The following SDK1 variants were observed in gnomAD, a reference collection of about 807,000 sequenced individuals.
The protein encoded by SDK1 is sidekick cell adhesion molecule 1, also known as protein sidekick-1.
SDK1 carries 157 observed loss-of-function variants against 245.5 expected under a neutral mutation model. That is an observed-to-expected ratio of 0.64 (90% CI 0.56 to 0.73). The LOEUF (loss-of-function observed/expected upper bound fraction) is 0.73, where lower values mean the gene tolerates loss of function less well. Ranked by LOEUF, SDK1 falls within the 30% of genes least tolerant of loss-of-function variation. The pLI, the probability that SDK1 is intolerant of heterozygous loss-of-function variation, is 0.00. For missense variants in SDK1, 3,583 were observed against 3,002.3 expected (o/e 1.19, Z -4.52); for synonymous variants, 1,647 against 1,278.5 (o/e 1.29, Z -6.15).
intron 22 of SDK1, among the ~76,000 whole-genome samples, chr7:4,101,313 AT>A (rs1374563843): frequency 6.6e-6 from 1 of 151,888 alleles, no homozygotes; most frequent in Non-Finnish European, 1.5e-5. Flanking sequence ...CGCCCGGCTA[AT>A]TTTTTGTGTT....
chr7:4,036,026 G>C (rs976859646), intron 17 of SDK1, among the ~76,000 whole-genome samples: 1 of 152,138 alleles, frequency 6.6e-6, no homozygotes, highest in Non-Finnish European at 1.5e-5. Flanking sequence ...TAAGAAACTT[G>C]AGCTTCATCG....
intron 1 of SDK1, among the ~76,000 whole-genome samples, chr7:3,435,657 A>C (rs2128586314): frequency 6.6e-6 from 1 of 151,858 alleles, no homozygotes; most frequent in East Asian, 1.9e-4. Context: ...GAGCCACTGC[A>C]CTCTGTGGGG....
chr7:3,393,065 G>A (rs575061736), intron 1 of SDK1, among the ~76,000 whole-genome samples: 1 of 141,776 alleles, frequency 7.1e-6, no homozygotes, highest in Non-Finnish European at 1.5e-5. Flanking sequence ...CCGCCTCCTA[G>A]GTTCAAGCGA....
intron 19 of SDK1, among the ~76,000 whole-genome samples, chr7:4,055,992 A>G (rs1346335244): frequency 6.6e-6 from 1 of 152,180 alleles, no homozygotes; most frequent in South Asian, 2.1e-4. Flanking sequence ...CAGAGAACAC[A>G]CTTCATATAA....
chr7:4,002,132 C>G (rs1025232350), intron 14 of SDK1, among the ~76,000 whole-genome samples: 1 of 152,224 alleles, frequency 6.6e-6, no homozygotes, highest in Non-Finnish European at 1.5e-5. Flanking sequence ...CTTTATATAA[C>G]CTTTGCATAA....
intron 22 of SDK1, among the ~76,000 whole-genome samples, chr7:4,103,455 C>G (rs1289305214): frequency 6.6e-6 from 1 of 152,192 alleles, no homozygotes; most frequent in Non-Finnish European, 1.5e-5. Context: ...TTAAAGAACT[C>G]CTGTCTCTCA....
At chr7:3,550,980 A>G (rs2128623078) in intron 1 of SDK1, among the ~76,000 whole-genome samples, 1 of 152,372 alleles carries the variant, frequency 6.6e-6, no homozygotes, top group South Asian at 2.1e-4. Flanking sequence ...CACAGAATGT[A>G]TAGCAGTGTT....
At chr7:3,458,928 G>C (rs1389102544) in intron 1 of SDK1, among the ~76,000 whole-genome samples, 7 of 152,106 alleles carry the variant, frequency 4.6e-5, no homozygotes, top group African/African-American at 1.7e-4. Flanking sequence ...CATTGTTCAG[G>C]ATTGTCTTGA....
intron 5 of SDK1, among the ~76,000 whole-genome samples, chr7:3,888,827 T>G (rs1781393596): frequency 6.6e-6 from 1 of 152,248 alleles, no homozygotes; most frequent in African/African-American, 2.4e-5. Flanking sequence ...TCACATCTTT[T>G]GACTCATTCT....
intron 1 of SDK1, among the ~76,000 whole-genome samples, chr7:3,356,253 T>TG (rs1297663823): frequency 2.6e-5 from 4 of 151,974 alleles, no homozygotes; most frequent in Non-Finnish European, 5.9e-5. Context: ...ACCTCTTTTT[T>TG]GGGGGGTGGG....
intron 5 of SDK1, among the ~76,000 whole-genome samples, chr7:3,871,596 T>TCCAAAAGC (rs1780957984): frequency 6.6e-6 from 1 of 152,236 alleles, no homozygotes; most frequent in African/African-American, 2.4e-5. Context: ...CTCAGGCTGC[T>TCCAAAAGC]TCCATTCATT....
chr7:4,252,786 T>C (rs1381642632), intron 44 of SDK1, among the ~76,000 whole-genome samples: 1 of 151,966 alleles, frequency 6.6e-6, no homozygotes, highest in African/African-American at 2.4e-5. Context: ...TGTTAATTAC[T>C]AGTTCTATCT....
intron 1 of SDK1, among the ~76,000 whole-genome samples, chr7:3,616,609 C>G (rs759936421): frequency 3.9e-5 from 6 of 152,044 alleles, no homozygotes; most frequent in Non-Finnish European, 8.8e-5. Context: ...CTCATAGATG[C>G]AATTTAATAT....
intron 1 of SDK1, among the ~76,000 whole-genome samples, chr7:3,414,443 C>G (rs990039730): frequency 7.2e-5 from 11 of 151,920 alleles, no homozygotes; most frequent in Admixed American, 2.6e-4. Flanking sequence ...GGGTAGTGTC[C>G]GAAAATCTGG....
intron 5 of SDK1, among the ~76,000 whole-genome samples, chr7:3,933,933 T>A (rs925000138): frequency 2.6e-5 from 4 of 152,190 alleles, no homozygotes; most frequent in African/African-American, 9.7e-5. Context: ...TGTGTGTTTT[T>A]CCCATGGCTA....
chr7:4,205,180 T>C (rs905804337), intron 35 of SDK1, among the ~76,000 whole-genome samples: 3 of 152,178 alleles, frequency 2.0e-5, no homozygotes, highest in Admixed American at 2.0e-4. Context: ...GAGAGCAAAG[T>C]GCAGCCATGT....
Position 4,210,429 on chromosome 7 carries a change from G to A in SDK1, c.5539+267G>A, listed in dbSNP as rs530657747. ...AGAACGGCACTCTCCCTCTGAAGCC[G>A]TGTCATATATGCCCTTGATCCTGTC... On this transcript the variant is annotated intron_variant, in intron 38 of 44. Transcript: ENST00000404826. 3.9e-5 allele frequency among the ~76,000 whole-genome samples: 6 copies of A among 152,280 alleles called. No homozygotes were observed. In the East Asian group the frequency reaches 5.8e-4, roughly 15 times the overall value.
chr7:3,420,268 G>A (rs1583831026), intron 1 of SDK1, among the ~76,000 whole-genome samples: 1 of 152,204 alleles, frequency 6.6e-6, no homozygotes, highest in East Asian at 1.9e-4. Flanking sequence ...ATTTGAAAGT[G>A]TTGTTTAACA....
chr7:3,495,989 G>T (rs1045004026), intron 1 of SDK1, among the ~76,000 whole-genome samples: 3 of 152,152 alleles, frequency 2.0e-5, no homozygotes, highest in Admixed American at 1.3e-4. Flanking sequence ...TTTCTCAGTG[G>T]CCCGTCACTA....
Sources: gnomAD v4.1 joint callset for allele counts (sites outside exome capture counted in the v4.1 genomes callset) on GRCh38, gnomAD v4.1.1 for gene constraint, MANE v1.5 for transcripts, NCBI Gene and HGNC (gene_info 2026-07-23, HGNC 2026-07-21) for gene names.